Variants in ZC3H14 observed in about 807,000 individuals in gnomAD.
ZC3H14 encodes zinc finger CCCH domain-containing protein 14.
Under a neutral mutation model 92.4 loss-of-function variants are expected in ZC3H14, and 31 were observed. The ratio of observed to expected loss-of-function variants is 0.34; its 90% CI spans 0.25 to 0.45. ZC3H14 has a LOEUF of 0.45. ZC3H14 is among the 20% of genes least tolerant of loss of function. ZC3H14 has a pLI of 1.00. For synonymous variants in ZC3H14, 321 were observed against 300.9 expected (o/e 1.07, Z -0.69); for missense variants, 781 against 897.3 (o/e 0.87, Z 1.66).
intron 9 of ZC3H14, among the ~76,000 whole-genome samples, chr14:88,587,562 C>T (rs1208025823): frequency 2.0e-5 from 3 of 152,134 alleles, no homozygotes; most frequent in African/African-American, 7.2e-5. Context: ...ATTGTCAAAG[C>T]TGATCAAATT....
chr14:88,583,089 T>C lies in ZC3H14; in HGVS notation c.1279+4949T>C, dbSNP rs1451168596. Among the ~76,000 whole-genome samples, 5 of 151,562 alleles carry C rather than the reference T, an allele frequency of 3.3e-5. No individual in the cohort carries two copies. In the East Asian group the frequency reaches 9.6e-4, roughly 29 times the overall value. On this transcript the variant is annotated intron_variant, in intron 9 of 16. Coordinates refer to ENST00000251038, the MANE Select transcript of ZC3H14 (RefSeq NM_024824.5). Reference sequence around the variant, plus strand: ...ATTCTGGCTTTATTGATTTTTTTTTTTTTTTGGTGTTTTTGTTTTCTATTT... The same window carrying C: ...ATTCTGGCTTTATTGATTTTTTTTTCTTTTTGGTGTTTTTGTTTTCTATTT...
At chr14:88,571,436 G>A (rs2080377965) in intron 4 of ZC3H14, among the ~76,000 whole-genome samples, 1 of 151,876 alleles carries the variant, frequency 6.6e-6, no homozygotes, top group African/African-American at 2.4e-5. Flanking sequence ...CATAATAAAC[G>A]AAATTGTTGT....
intron 9 of ZC3H14, among the ~76,000 whole-genome samples, chr14:88,588,185 C>G (rs1400507467): frequency 6.6e-6 from 1 of 152,154 alleles, no homozygotes; most frequent in South Asian, 2.1e-4. Context: ...TGGAGCCTCT[C>G]TCCTCCTTTT....
rs1444482307 is a variant in ZC3H14 at position 88,624,168 on chromosome 14, C to T, written c.*12417C>T. The T allele has an allele frequency of 6.6e-6, 1 of 152,138 alleles. No individual in the cohort carries two copies. The highest frequency in any genetic ancestry group is 1.5e-5 in the Non-Finnish European group (1 of 68,080). 9.4% of individuals were successfully genotyped at this position (152,138 alleles called of 1,614,324 possible). A position where few individuals can be genotyped will look rare whatever the true frequency, so the allele number is the denominator to read the frequency against. ...ACAGCTCACTAAAGCCTTGACCTCC[C>T]CAGGCTCAAGTGATCCTCCCACCTC... On this transcript the variant is annotated 3_prime_UTR_variant, in exon 17 of 17. Transcript: ENST00000251038.
rs749870664 is a variant in ZC3H14, at chr14:88,627,074, G to C, written c.*15323G>C. The C allele has an allele frequency of 1.2e-6, 2 of 1,606,388 alleles. No homozygotes were observed. Among genetic ancestry groups the C allele is most frequent in the Non-Finnish European group, 1.7e-6 (2 of 1,174,472 alleles). On this transcript the variant is annotated 3_prime_UTR_variant, in exon 17 of 17. Coordinates refer to ENST00000251038, the MANE Select transcript of ZC3H14 (RefSeq NM_024824.5). ...GACAAGATACAACAAAATTATCTAG[G>C]TTATTACAAGAACCAAGCTAATCAA...
chr14:88,610,365 ATTGTAC>A (rs1360634460), intron 15 of ZC3H14, among the ~76,000 whole-genome samples: 2 of 152,148 alleles, frequency 1.3e-5, no homozygotes, highest in Non-Finnish European at 2.9e-5. Context: ...ACCTTTTGAA[ATTGTAC>A]TTGCTGTGAT....
chr14:88,616,853 A>AT lies in ZC3H14; in HGVS notation c.*5104dup. On this transcript the variant is annotated 3_prime_UTR_variant, in exon 17 of 17. Transcript: ENST00000251038. Reference sequence around the variant, plus strand: ...AGCTTTCTCAGCATGTCTGGACCAGATTCCCAAAACCTCATCTCCTAGAAT... The same window carrying AT: ...AGCTTTCTCAGCATGTCTGGACCAGATTTCCCAAAACCTCATCTCCTAGAAT... 6.2e-7 allele frequency: 1 copy of AT among 1,613,880 alleles called. No homozygotes were observed. The highest frequency in any genetic ancestry group is 8.5e-7 in the Non-Finnish European group (1 of 1,179,812).
In ZC3H14 at chr14:88,578,083, A is replaced by G. The variant is rs369320752; in HGVS notation, c.1222A>G (p.Ile408Val). 3.0e-5 allele frequency: 48 copies of G among 1,614,078 alleles called. No individual in the cohort carries two copies. Among genetic ancestry groups the G allele is most frequent in the Non-Finnish European group, 4.1e-5 (48 of 1,180,042 alleles). ...CCAGGGACAAAGTAGGACCCCCAGAATAAGTCCCCCCATTAAAGAAGAGGA... is the reference window on the plus strand; with the variant it reads ...CCAGGGACAAAGTAGGACCCCCAGAGTAAGTCCCCCCATTAAAGAAGAGGA... ...VVQGQSRTPR[I>V]SPPIKEEETK... is the part of the protein sequence containing the mutation. Residue 408 changes from isoleucine (I) to valine (V), a missense_variant, in exon 9 of 17, where the codon ATA becomes GTA. This residue lies in a region of ZC3H14 where 454 missense variants were observed against 438.5 expected (regional missense o/e 1.04). Coordinates refer to ENST00000251038, the MANE Select transcript of ZC3H14 (RefSeq NM_024824.5).
chr14:88,594,433 T>C, intron 9 of ZC3H14: 1 of 1,216,660 alleles, frequency 8.2e-7, no homozygotes, highest in Non-Finnish European at 1.0e-6. Flanking sequence ...CAGATGGTAC[T>C]TAGAGGATGT....
intron 9 of ZC3H14, among the ~76,000 whole-genome samples, chr14:88,595,692 G>T (rs1237601106): frequency 6.6e-6 from 1 of 152,126 alleles, no homozygotes; most frequent in Admixed American, 6.5e-5. Context: ...ATTTCAAATC[G>T]AGTATAGGTT....
At position 88,602,068 on chromosome 14, in the gene ZC3H14, A is replaced by G; in HGVS notation, c.1499A>G (p.His500Arg). 1 of 1,614,062 alleles carries G rather than the reference A, an allele frequency of 6.2e-7. No individual in the cohort carries two copies. Among genetic ancestry groups the G allele is most frequent in the Non-Finnish European group, 8.5e-7 (1 of 1,179,920 alleles). The change falls in exon 11 of 17, where the codon CAC becomes CGC. Residue 500 changes from histidine (H) to arginine (R), a missense_variant. Coordinates refer to ENST00000251038, the MANE Select transcript of ZC3H14 (RefSeq NM_024824.5). Reference protein sequence around the residue: ...TADSLRVLSGHLMQTRDLVQP... With the variant: ...TADSLRVLSGRLMQTRDLVQP... ...GATTCCCTTCGGGTACTTTCAGGACACCTTATGCAGACACGGTAGATGGTT... is the reference window on the plus strand; with the variant it reads ...GATTCCCTTCGGGTACTTTCAGGACGCCTTATGCAGACACGGTAGATGGTT...
At chr14:88,565,229 C>T (rs1176272926) in intron 2 of ZC3H14, among the ~76,000 whole-genome samples, 3 of 152,096 alleles carry the variant, frequency 2.0e-5, no homozygotes, top group East Asian at 1.9e-4. Context: ...GCAAGCTCTG[C>T]CTCCCGGGTT....
Position 88,578,089 on chromosome 14 carries a change from C to T in ZC3H14, c.1228C>T (p.Pro410Ser). Residue 410 changes from proline to serine, a missense_variant, in exon 9 of 17, where the codon CCC becomes TCC. Around this residue, in one of 3 missense-constraint regions of ZC3H14, gnomAD observed 454 missense variants for 438.5 expected, o/e 1.04. Transcript: ENST00000251038. ...ACAAAGTAGGACCCCCAGAATAAGTCCCCCCATTAAAGAAGAGGAAACAAA... is the reference window on the plus strand; with the variant it reads ...ACAAAGTAGGACCCCCAGAATAAGTTCCCCCATTAAAGAAGAGGAAACAAA... ...QGQSRTPRIS[P>S]PIKEEETKGD... The T allele has an allele frequency of 1.2e-6, 2 of 1,613,930 alleles. No homozygotes were observed. The highest frequency in any genetic ancestry group is 1.1e-5 in the South Asian group (1 of 91,070).
intron 9 of ZC3H14, among the ~76,000 whole-genome samples, chr14:88,587,009 C>T (rs2082546724): frequency 6.6e-6 from 1 of 152,022 alleles, no homozygotes; most frequent in Non-Finnish European, 1.5e-5. Flanking sequence ...GGTTCTAGCC[C>T]ATTTATACTT....
rs1249902216 is a variant in ZC3H14, at chr14:88,563,680, A to C, written c.66A>C (p.Leu22Phe). The C allele has an allele frequency of 1.2e-6, 2 of 1,614,070 alleles. No homozygotes were observed. Among genetic ancestry groups the C allele is most frequent in the Admixed American group, 3.3e-5 (2 of 60,014 alleles). ...RSAIKGKLQE[L>F]GAYVDEELPD... Reference sequence around the variant, plus strand: ...CCATTAAGGGGAAATTACAAGAATTAGGAGCTTATGTTGGTAAGTGTTTTT... The same window carrying C: ...CCATTAAGGGGAAATTACAAGAATTCGGAGCTTATGTTGGTAAGTGTTTTT... The change falls in exon 2 of 17, where the codon TTA becomes TTC. Residue 22 changes from leucine (L) to phenylalanine (F), a missense_variant. Leu to Phe is a conservative substitution (Grantham distance 22). Around this residue, in one of 3 missense-constraint regions of ZC3H14, gnomAD observed 106 missense variants for 154.2 expected, o/e 0.69. Transcript: ENST00000251038.
chr14:88,572,640 C>T lies in ZC3H14; in HGVS notation c.494C>T (p.Pro165Leu). Residue 165 changes from proline (P) to leucine (L), a missense_variant, in exon 6 of 17, where the codon CCA becomes CTA. Physicochemically the swap from Pro to Leu is moderately conservative, Grantham distance 98 (BLOSUM62 -3). Around this residue, in one of 3 missense-constraint regions of ZC3H14, gnomAD observed 454 missense variants for 438.5 expected, o/e 1.04. Transcript: ENST00000251038. Reference sequence around the variant, plus strand: ...TCAACAGTGAAACCTTTGAGGGAGCCAGCACCCTCTGAAGATGTGATTGAT... The same window carrying T: ...TCAACAGTGAAACCTTTGAGGGAGCTAGCACCCTCTGAAGATGTGATTGAT... ...LMSTVKPLRE[P>L]APSEDVIDIK... 2 of 1,614,182 alleles carry T rather than the reference C, an allele frequency of 1.2e-6. No individual in the cohort carries two copies. The highest frequency in any genetic ancestry group is 1.7e-6 in the Non-Finnish European group (2 of 1,180,030).
chr14:88,600,924 TTTCC>T (rs2084554365), intron 10 of ZC3H14, among the ~76,000 whole-genome samples: 1 of 152,176 alleles, frequency 6.6e-6, no homozygotes, highest in African/African-American at 2.4e-5. Context: ...TGAAAGCCCC[TTTCC>T]TTCTACGTGC....
Position 88,625,214 on chromosome 14 carries a change from TG to T in ZC3H14, c.*13464del. On this transcript the variant is annotated 3_prime_UTR_variant, in exon 17 of 17. Coordinates refer to ENST00000251038, the MANE Select transcript of ZC3H14 (RefSeq NM_024824.5). ...ATAATTTTCTATGTATGTGTAATGC[TG>T]TCTCACCCTTGATACAAAGAGCATG... 6.9e-7 allele frequency: 1 copy of T among 1,442,612 alleles called. No individual in the cohort carries two copies. The highest frequency in any genetic ancestry group is 9.4e-7 in the Non-Finnish European group (1 of 1,064,674). The allele number at this position is 1,442,612 out of a possible 1,614,324, so 89.4% of individuals were successfully genotyped here. A position where few individuals can be genotyped will look rare whatever the true frequency, so the allele number is the denominator to read the frequency against.
intron 9 of ZC3H14, among the ~76,000 whole-genome samples, chr14:88,588,070 T>TTC (rs1335453608): frequency 3.9e-5 from 6 of 152,208 alleles, no homozygotes; most frequent in African/African-American, 1.4e-4. Flanking sequence ...TAGGTTCTTC[T>TTC]TTTTTCCCTT....
Sources: allele counts gnomAD v4.1 joint callset (sites outside exome capture counted in the v4.1 genomes callset), GRCh38; gene constraint gnomAD v4.1.1; regional missense constraint gnomAD v4.1.1; transcripts MANE v1.5; gene names NCBI Gene and HGNC (gene_info 2026-07-23, HGNC 2026-07-21).